The following WAPL variants were observed in gnomAD, a reference collection of about 807,000 sequenced individuals.
The protein encoded by WAPL is wings apart-like protein homolog.
Under a neutral mutation model 121.0 loss-of-function variants are expected in WAPL, and 5 were observed. The ratio of observed to expected loss-of-function variants is 0.04; its 90% confidence interval spans 0.02 to 0.09. The LOEUF (loss-of-function observed/expected upper bound fraction) is 0.09, where lower values mean the gene tolerates loss of function less well. Among genes scored for constraint, WAPL ranks in the 10% least tolerant of loss-of-function variants. The probability of loss-of-function intolerance (pLI) is 1.00; values close to 1 mark genes in which losing one functional copy is unlikely to be tolerated. For missense variants in WAPL, 999 were observed against 1,410.8 expected (o/e 0.71, Z 4.68); for synonymous variants, 480 against 481.5 (o/e 1.00, Z 0.04).
chr10:86,436,720 GC>G lies in WAPL; in HGVS notation c.*822del, dbSNP rs1231363227. 1 of 152,570 alleles carries G rather than the reference GC, an allele frequency of 6.6e-6. No homozygotes were observed. Among genetic ancestry groups the G allele is most frequent in the Non-Finnish European group, 1.5e-5 (1 of 68,026 alleles). 9.5% of individuals were successfully genotyped at this position (152,570 alleles called of 1,614,324 possible). A position where few individuals can be genotyped will look rare whatever the true frequency, so the allele number is the denominator to read the frequency against. ...CTCAAAATCTAATAATGTTTTAAGA[GC>G]CTCCCTAGCATTAAGTGTAAACTAC... On this transcript the variant is annotated 3_prime_UTR_variant, in exon 19 of 19. Transcript: ENST00000298767.
chr10:86,443,198 G>A (rs922413902), intron 17 of WAPL, 77 bp downstream of exon 17: 1 of 1,140,522 alleles, frequency 8.8e-7, no homozygotes, highest in Admixed American at 2.0e-5. Flanking sequence ...ATAAATAAGT[G>A]AAACATGTAA....
chr10:86,453,675 A>C lies in WAPL; in HGVS notation c.2814T>G (p.Leu938=), dbSNP rs1188173021. 3 of 1,605,258 alleles carry C rather than the reference A, an allele frequency of 1.9e-6. No homozygotes were observed. Among genetic ancestry groups the C allele is most frequent in the Non-Finnish European group, 1.7e-6 (2 of 1,177,724 alleles). The change falls in exon 13 of 19, where the codon CTT becomes CTG. Residue 938 remains leucine (L), a synonymous_variant. Transcript: ENST00000298767. ...DCMRAIIGVL[L]NLTNDNEWGS... ...TCTTACCATTATCATTAGTTAAATT[A>C]AGCAACACCCCGATGATGGCCCTCA...
intron 4 of WAPL, among the ~76,000 whole-genome samples, chr10:86,484,868 T>C (rs1200712954): frequency 6.6e-6 from 1 of 152,234 alleles, no homozygotes; most frequent in Admixed American, 6.5e-5. Flanking sequence ...TCTAGCTTTG[T>C]GTTCTGTGTG....
chr10:86,483,289 G>C (rs548526238), intron 4 of WAPL, among the ~76,000 whole-genome samples: 1 of 152,042 alleles, frequency 6.6e-6, no homozygotes. Flanking sequence ...GCGTGGAGGT[G>C]CATGCCTGTA....
At chr10:86,467,640 C>A in intron 8 of WAPL, 134 bp from the exon 9 acceptor site, 1 of 654,004 alleles carries the variant, frequency 1.5e-6, no homozygotes, top group Non-Finnish European at 2.4e-6. Context: ...ATGTTGGAAA[C>A]TTCAAAAACG....
rs1235047142 is a variant in WAPL at position 86,517,513 on chromosome 10, TA to T, written c.499+57del. On this transcript the variant is annotated intron_variant, in intron 2 of 18. Coordinates refer to ENST00000298767, the MANE Select transcript of WAPL (RefSeq NM_015045.5). ...TATATATTTTAGAATTTAAATCATT[TA>T]AATAAATTGGTTGCACAAAGCTCTC... 2.6e-6 allele frequency: 4 copies of T among 1,516,680 alleles called. No homozygotes were observed. In the Admixed American group the frequency reaches 8.8e-5, roughly 33 times the overall value. 94.0% of individuals were successfully genotyped at this position (1,516,680 alleles called of 1,614,324 possible). A position where few individuals can be genotyped will look rare whatever the true frequency, so the allele number is the denominator to read the frequency against.
chr10:86,459,140 G>T, intron 11 of WAPL, 75 bp from the exon 12 acceptor site: 3 of 1,194,416 alleles, frequency 2.5e-6, no homozygotes, highest in South Asian at 2.9e-5. Flanking sequence ...CATTCTGCCT[G>T]GTGCGTAAAA....
intron 9 of WAPL, among the ~76,000 whole-genome samples, chr10:86,466,524 T>C (rs982714827): frequency 3.9e-5 from 6 of 151,964 alleles, no homozygotes; most frequent in Non-Finnish European, 7.4e-5. Flanking sequence ...GAGCTATGAC[T>C]GCACCACCGC....
chr10:86,498,813 G>T (rs1842194803), intron 3 of WAPL, among the ~76,000 whole-genome samples: 5 of 152,074 alleles, frequency 3.3e-5, no homozygotes, highest in Admixed American at 3.3e-4. Context: ...TGAACTCCTT[G>T]AGGACCCTTA....
intron 2 of WAPL, among the ~76,000 whole-genome samples, chr10:86,503,699 G>A (rs576751609): frequency 9.0e-4 from 136 of 151,638 alleles, no homozygotes; most frequent in Middle Eastern, 3.4e-3. Context: ...CTTGCAGTGA[G>A]CCAAGATCAC....
At chr10:86,516,032 A>AAT (rs1238453285) in intron 2 of WAPL, among the ~76,000 whole-genome samples, 1 of 151,680 alleles carries the variant, frequency 6.6e-6, no homozygotes, top group Non-Finnish European at 1.5e-5. Flanking sequence ...ATGCCCAGCT[A>AAT]ATTTTTTGTA....
chr10:86,494,134 T>C (rs1214341359), intron 4 of WAPL, among the ~76,000 whole-genome samples: 1 of 152,228 alleles, frequency 6.6e-6, no homozygotes, highest in Non-Finnish European at 1.5e-5. Context: ...AACTGCTACA[T>C]ACTATGTAGC....
intron 3 of WAPL, among the ~76,000 whole-genome samples, chr10:86,498,849 C>A (rs1842195843): frequency 6.6e-6 from 1 of 152,172 alleles, no homozygotes; most frequent in Admixed American, 6.5e-5. Context: ...ACAATCTCGG[C>A]ACAAATTAAA....
chr10:86,490,364 T>C (rs915585919), intron 4 of WAPL, among the ~76,000 whole-genome samples: 15 of 152,232 alleles, frequency 9.9e-5, no homozygotes, highest in African/African-American at 3.4e-4. Flanking sequence ...GTAAATAGGT[T>C]TGCTGCTGAC....
chr10:86,468,141 AT>A (rs1375163114), intron 8 of WAPL, among the ~76,000 whole-genome samples: 7 of 152,150 alleles, frequency 4.6e-5, no homozygotes, highest in Non-Finnish European at 1.0e-4. Context: ...TTTATAAAAC[AT>A]TTTTGCAGAT....
chr10:86,511,507 T>C (rs1024666450), intron 2 of WAPL, among the ~76,000 whole-genome samples: 9 of 152,236 alleles, frequency 5.9e-5, no homozygotes, highest in Non-Finnish European at 4.4e-5. Flanking sequence ...ACTTTGGATG[T>C]TTCCCAGATC....
rs1232239680 is a variant in WAPL, at chr10:86,521,530, G to A, written c.-188C>T. ...CGGTAAATAGGAAGCCCGGTTGGGG[G>A]GGCAGGAGCGGCGGCCCCGCAACTT... is the stretch of plus-strand genomic sequence containing the variant. On this transcript the variant is annotated 5_prime_UTR_variant, in exon 1 of 19. Transcript: ENST00000298767. The A allele has an allele frequency of 2.7e-6, 1 of 370,226 alleles. No individual in the cohort carries two copies. The highest frequency in any genetic ancestry group is 2.1e-5 in the South Asian group (1 of 48,502). 22.9% of individuals were successfully genotyped at this position (370,226 alleles called of 1,614,324 possible). A position where few individuals can be genotyped will look rare whatever the true frequency, so the allele number is the denominator to read the frequency against.
rs1356181408 is a variant in WAPL, at chr10:86,457,271, CT to C, written c.2657+1717del. On this transcript the variant is annotated intron_variant, in intron 12 of 18. Coordinates refer to ENST00000298767, the MANE Select transcript of WAPL (RefSeq NM_015045.5). The stretch of plus-strand genomic sequence containing the variant: ...TTGGGAGGTCAAGGCAGGAGAATCA[CT>C]TAAGCCCACGAGTTTGAGACCAGCT... Among the ~76,000 whole-genome samples the C allele has an allele frequency of 8.5e-5, 12 of 141,664 alleles. No homozygotes were observed. In the East Asian group the frequency reaches 2.3e-3, roughly 27 times the overall value. 92.9% of individuals were successfully genotyped at this position (141,664 alleles called of 152,430 possible).
chr10:86,474,505 C>A (rs898475145), intron 4 of WAPL, among the ~76,000 whole-genome samples: 1 of 119,670 alleles, frequency 8.4e-6, no homozygotes, highest in African/African-American at 3.2e-5. Context: ...CAGAGTGAGA[C>A]TCCGTCTCAA....
Sources: gnomAD v4.1 joint callset for allele counts (sites outside exome capture counted in the v4.1 genomes callset) on GRCh38, gnomAD v4.1.1 for gene constraint, MANE v1.5 for transcripts, NCBI Gene and HGNC (gene_info 2026-07-23, HGNC 2026-07-21) for gene names.